Variants in PIDD1 observed in about 807,000 individuals in gnomAD.
PIDD1 encodes p53-induced death domain protein 1, also known as p53-induced death domain-containing protein 1.
Under a neutral mutation model 80.0 loss-of-function variants are expected in PIDD1, and 72 were observed. The ratio of observed to expected loss-of-function variants is 0.90; its 90% CI spans 0.74 to 1.09. The LOEUF (loss-of-function observed/expected upper bound fraction) is 1.09. PIDD1 is among the 50% of genes least tolerant of loss of function. The pLI, the probability that PIDD1 is intolerant of heterozygous loss-of-function variation, is 0.00. For synonymous variants in PIDD1, 655 were observed against 543.5 expected (o/e 1.21, Z -2.85); for missense variants, 1,329 against 1,228.3 (o/e 1.08, Z -1.23).
intron 5 of PIDD1, 73 bp from the exon 6 acceptor site, chr11:802,469 C>T: frequency 6.2e-7 from 1 of 1,601,334 alleles, no homozygotes; most frequent in South Asian, 1.1e-5. Context: ...CCCAGGAACT[C>T]TGGAGAAGGT....
intron 7 of PIDD1, 60 bp from the exon 8 acceptor site, chr11:801,684 C>T: frequency 7.1e-7 from 1 of 1,401,452 alleles, no homozygotes. Context: ...CAGTCAGGGA[C>T]ACAGGGAGCA....
At chr11:805,704 G>A (rs1865734684), upstream of PIDD1, 2 of 984,134 alleles carry the variant, frequency 2.0e-6, no homozygotes, top group African/African-American at 3.5e-5. Flanking sequence ...CTCCTCTCTG[G>A]GCCTGCAAAG....
intron 5 of PIDD1, 21 bp from the exon 6 acceptor site, chr11:802,417 C>A (rs766735810): frequency 6.2e-7 from 1 of 1,609,170 alleles, no homozygotes; most frequent in Non-Finnish European, 8.5e-7. Context: ...AAGGAGCGAG[C>A]AACAGGTTAG....
Position 800,821 on chromosome 11 carries a change from C to T in PIDD1, c.1858G>A (p.Ala620Thr), listed in dbSNP as rs544118846. 1.4e-5 allele frequency: 22 copies of T among 1,562,636 alleles called. No individual in the cohort carries two copies. The highest frequency in any genetic ancestry group is 1.8e-5 in the Non-Finnish European group (21 of 1,154,092). ...RLRLHRVNLI[A>T]LQRRRDPEQV... ...TCAGGGTCCCGGCGCCGCTGCAGAG[C>T]GATGAGGTTCACACGGTGCAGCCGC... The change falls in exon 11 of 16, where the codon GCT (alanine) becomes ACT (threonine). Residue 620 changes from alanine to threonine, a missense_variant. Physicochemically the swap from Ala to Thr is moderately conservative, Grantham distance 58. Coordinates refer to ENST00000347755, the MANE Select transcript of PIDD1 (RefSeq NM_145886.4).
rs1291583404 is a variant in PIDD1, at chr11:804,152, C to T, written c.237G>A (p.Glu79=). 1 of 1,613,184 alleles carries T rather than the reference C, an allele frequency of 6.2e-7. No individual in the cohort carries two copies. Among genetic ancestry groups the T allele is most frequent in the African/African-American group, 1.3e-5 (1 of 74,934 alleles). ...TCTGAGGCAGCTGGGCCAGGGTGGC[C>T]TCCAGCAGCTGAGGGTCCTCGTGAG... ...LSTHEDPQLL[E]ATLAQLPQSL... The change falls in exon 2 of 16, where the codon GAG becomes GAA. Residue 79 remains glutamate, a synonymous_variant. Transcript: ENST00000347755.
At chr11:801,901 C>A in intron 7 of PIDD1, 64 bp downstream of exon 7, 1 of 1,573,708 alleles carries the variant, frequency 6.4e-7, no homozygotes, top group Non-Finnish European at 8.6e-7. Flanking sequence ...AGGCTCTGGG[C>A]AGAGGTGCAC....
At chr11:808,028 G>T, upstream of PIDD1, among the ~76,000 whole-genome samples, 1 of 152,310 alleles carries the variant, frequency 6.6e-6, no homozygotes, top group East Asian at 1.9e-4. Context: ...GGGTGCTACA[G>T]TTGTCAAAAT....
chr11:803,370 G>T lies in PIDD1; in HGVS notation c.513C>A (p.Pro171=). 1 of 1,613,986 alleles carries T rather than the reference G, an allele frequency of 6.2e-7. No homozygotes were observed. Among genetic ancestry groups the T allele is most frequent in the Non-Finnish European group, 8.5e-7 (1 of 1,179,980 alleles). The change falls in exon 3 of 16, where the codon CCC becomes CCA. Residue 171 remains proline, a synonymous_variant. Coordinates refer to ENST00000347755, the MANE Select transcript of PIDD1 (RefSeq NM_145886.4). The stretch of plus-strand genomic sequence containing the variant: ...GTGTCACTGTGAGGAAGGTGAGGGC[G>T]GGGAGGGCCCCCAGAGCCTCAGGCA... ...SELPEALGAL[P]ALTFLTVTHN... is the part of the protein sequence containing the mutation.
chr11:804,243 T>G lies in PIDD1; in HGVS notation c.146A>C (p.Gln49Pro). Residue 49 changes from glutamine (Q) to proline (P), a missense_variant, in exon 2 of 16, where the codon CAG (glutamine) becomes CCG (proline). By Grantham distance (76) the Gln-to-Pro change is moderately conservative (BLOSUM62 -1). Transcript: ENST00000347755. ...CTGCTGGACACACAGGTGCAGCAGC[T>G]GCTGGCAGCCCCCGGGGTACAGGTC... ...SLDLYPGGCQ[Q>P]LLHLCVQQPL... The G allele has an allele frequency of 6.2e-7, 1 of 1,613,066 alleles. No individual in the cohort carries two copies. Among genetic ancestry groups the G allele is most frequent in the South Asian group, 1.1e-5 (1 of 91,082 alleles).
chr11:800,925 G>A lies in PIDD1; in HGVS notation c.1767-13C>T, dbSNP rs1865247249. On this transcript the variant is annotated splice_polypyrimidine_tract_variant and intron_variant, in intron 10 of 15. Transcript: ENST00000347755. ...CCAGAGCCAGTACCTGGGAGAGCTGGGGGTGAGGAGGGCTGTACAGACTGG... is the reference window on the plus strand; with the variant it reads ...CCAGAGCCAGTACCTGGGAGAGCTGAGGGTGAGGAGGGCTGTACAGACTGG... 1 of 1,594,664 alleles carries A rather than the reference G, an allele frequency of 6.3e-7. No homozygotes were observed. Among genetic ancestry groups the A allele is most frequent in the Admixed American group, 1.8e-5 (1 of 56,956 alleles).
Position 800,386 on chromosome 11 carries a change from C to T in PIDD1, c.2107G>A (p.Glu703Lys). 1.3e-6 allele frequency: 2 copies of T among 1,596,954 alleles called. No individual in the cohort carries two copies. The highest frequency in any genetic ancestry group is 1.7e-6 in the Non-Finnish European group (2 of 1,169,988). Residue 703 changes from glutamate (E) to lysine (K), a missense_variant, in exon 13 of 16, where the codon GAG (glutamate) becomes AAG (lysine). Coordinates refer to ENST00000347755, the MANE Select transcript of PIDD1 (RefSeq NM_145886.4). ...VFYSHLKNVKEVYVTTTLDRE... is the reference protein window; with the variant it reads ...VFYSHLKNVKKVYVTTTLDRE... ...TCCAGAGTGGTGGTCACGTATACCT[C>T]CTTCACATTCTTCAGGTGCGAGTAG...
At chr11:808,898 C>A (rs757280273), upstream of PIDD1, among the ~76,000 whole-genome samples, 11 of 152,226 alleles carry the variant, frequency 7.2e-5, no homozygotes, top group Non-Finnish European at 1.5e-4. Context: ...GTTTGCACTG[C>A]TGTTAGAGCC....
chr11:799,996 C>T lies in PIDD1; in HGVS notation c.2293G>A (p.Gly765Arg), dbSNP rs1865117166. ...IKLPRLRGSE[G>R]PRRGAGLSLA... is the part of the protein sequence containing the mutation. ...GAGAGGCCAGCCCCCCGCCGTGGCC[C>T]CTCGGACCCTCGAAGTCTCTGTTGG... The change falls in exon 15 of 16, where the codon GGG (glycine) becomes AGG (arginine). Residue 765 changes from glycine (G) to arginine (R), a missense_variant. Transcript: ENST00000347755. 2 of 1,612,800 alleles carry T rather than the reference C, an allele frequency of 1.2e-6. No homozygotes were observed. The highest frequency in any genetic ancestry group is 1.7e-4 in the Middle Eastern group (1 of 6,060).
chr11:805,337 G>A (rs541393628), upstream of PIDD1: 51 of 567,726 alleles, frequency 9.0e-5, no homozygotes, highest in Middle Eastern at 8.6e-4. Flanking sequence ...GTCCACGGGG[G>A]AGGTCTCCCG....
Position 799,197 on chromosome 11 carries a change from GCA to G in PIDD1, c.*108_*109del. On this transcript the variant is annotated 3_prime_UTR_variant, in exon 16 of 16. Transcript: ENST00000347755. ...CAAGCTCTGAGGTGAAAGAAACAGTGCAGTTTTGTTGCTCACAGGGACCCGTC... is the reference window on the plus strand; with the variant it reads ...CAAGCTCTGAGGTGAAAGAAACAGTGGTTTTGTTGCTCACAGGGACCCGTC... 1 of 1,090,420 alleles carries G rather than the reference GCA, an allele frequency of 9.2e-7. No individual in the cohort carries two copies. Among genetic ancestry groups the G allele is most frequent in the Admixed American group, 2.9e-5 (1 of 34,604 alleles). The allele number at this position is 1,090,420 out of a possible 1,614,324, so 67.5% of individuals were successfully genotyped here.
At chr11:801,792 G>A in intron 7 of PIDD1, 168 bp from the exon 8 acceptor site, 4 of 929,110 alleles carry the variant, frequency 4.3e-6, no homozygotes, top group Non-Finnish European at 6.4e-6. Flanking sequence ...GGGACACAGG[G>A]AAGCAGGATC....
Position 804,279 on chromosome 11 carries a change from C to A in PIDD1, c.110G>T (p.Arg37Leu), listed in dbSNP as rs751402462. Residue 37 changes from arginine (R) to leucine (L), a missense_variant, in exon 2 of 16, where the codon CGG becomes CTG. Coordinates refer to ENST00000347755, the MANE Select transcript of PIDD1 (RefSeq NM_145886.4). ...CCCGGGGTACAGGTCCAAGCTCAGC[C>A]GGTTGCCGCCCAGGAAAGGCAGCGC... Reference protein sequence around the residue: ...SRALPFLGGNRLSLDLYPGGC... With the variant: ...SRALPFLGGNLLSLDLYPGGC... 1.9e-6 allele frequency: 3 copies of A among 1,612,966 alleles called. No homozygotes were observed. The highest frequency in any genetic ancestry group is 8.5e-7 in the Non-Finnish European group (1 of 1,179,982).
chr11:804,312 C>A lies in PIDD1; in HGVS notation c.77G>T (p.Gly26Val), dbSNP rs775662261. 6.2e-7 allele frequency: 1 copy of A among 1,612,656 alleles called. No homozygotes were observed. The highest frequency in any genetic ancestry group is 1.1e-5 in the South Asian group (1 of 91,062). ...AGDASEDSDA[G>V]SRALPFLGGN... Reference sequence around the variant, plus strand: ...GCCCAGGAAAGGCAGCGCCCTGGACCCTGCGTCCGAATCCTCTGAAGCATC... The same window carrying A: ...GCCCAGGAAAGGCAGCGCCCTGGACACTGCGTCCGAATCCTCTGAAGCATC... Residue 26 changes from glycine to valine, a missense_variant, in exon 2 of 16, where the codon GGG becomes GTG. Physicochemically the swap from Gly to Val is moderately radical, Grantham distance 109 (BLOSUM62 -3). Coordinates refer to ENST00000347755, the MANE Select transcript of PIDD1 (RefSeq NM_145886.4).
Position 801,130 on chromosome 11 carries a change from G to A in PIDD1, c.1631-10C>T. ...CGGTCCAGACTGAGGCCTGGGGATG[G>A]GAGGGGCAGCGAGCTGAGGCCTCCT... is the stretch of plus-strand genomic sequence containing the variant. On this transcript the variant is annotated splice_polypyrimidine_tract_variant and intron_variant, in intron 9 of 15. Transcript: ENST00000347755. The A allele has an allele frequency of 1.3e-6, 2 of 1,550,958 alleles. No individual in the cohort carries two copies. Among genetic ancestry groups the A allele is most frequent in the Admixed American group, 1.8e-5 (1 of 54,288 alleles).
Sources: allele counts gnomAD v4.1 joint callset (sites outside exome capture counted in the v4.1 genomes callset), GRCh38; gene constraint gnomAD v4.1.1; transcripts MANE v1.5; gene names NCBI Gene and HGNC (gene_info 2026-07-23, HGNC 2026-07-21).